Variants in PKD1L1 observed in about 807,000 individuals in gnomAD.
PKD1L1 encodes polycystin-1-like protein 1.
Under a neutral mutation model 323.4 loss-of-function variants are expected in PKD1L1, and 236 were observed. That is an observed-to-expected ratio of 0.73 (90% CI 0.66 to 0.81). The LOEUF (loss-of-function observed/expected upper bound fraction) is 0.81. PKD1L1 is among the 40% of genes least tolerant of loss of function. The pLI, the probability that PKD1L1 is intolerant of heterozygous loss-of-function variation, is 0.00. For missense variants in PKD1L1, 3,320 were observed against 3,508.0 expected, an observed-to-expected ratio of 0.95 and a Z score of 1.35; for synonymous variants, 1,344 against 1,335.0, an observed-to-expected ratio of 1.01 and a Z score of -0.15.
chr7:47,877,305 C>A (rs1471869048), intron 22 of PKD1L1, among the ~76,000 whole-genome samples, 184 bp downstream of exon 22: 1 of 152,168 alleles, frequency 6.6e-6, no homozygotes, highest in African/African-American at 2.4e-5. Flanking sequence ...CTTTGCACTC[C>A]TCTCATTAGT....
chr7:47,829,819 C>T (rs540909615), intron 43 of PKD1L1, among the ~76,000 whole-genome samples: 167 of 152,314 alleles, frequency 1.1e-3, no homozygotes, highest in African/African-American at 3.9e-3. Context: ...AAATAAAAAA[C>T]GTGGGTTAAA....
chr7:47,821,041 G>A (rs1186122773), intron 46 of PKD1L1, 35 bp downstream of exon 46: 4 of 1,312,386 alleles, frequency 3.0e-6, no homozygotes, highest in South Asian at 1.2e-5. Context: ...TAGTGCAATG[G>A]CCCCAGATCT....
chr7:47,828,625 G>A (rs561094385), intron 44 of PKD1L1, among the ~76,000 whole-genome samples: 5 of 152,184 alleles, frequency 3.3e-5, no homozygotes, highest in African/African-American at 4.8e-5. Flanking sequence ...CAAATGATCC[G>A]ATAAATGTAA....
intron 4 of PKD1L1, 47 bp from the exon 5 acceptor site, chr7:47,932,103 T>A (rs1003474261): frequency 1.3e-6 from 2 of 1,574,622 alleles, no homozygotes; most frequent in Admixed American, 3.7e-5. Flanking sequence ...CCGGTCATGT[T>A]TCAGTCACAT....
In PKD1L1 at chr7:47,815,420, C is replaced by T. The variant is rs151016685; in HGVS notation, c.7003G>A (p.Ala2335Thr). 3 of 1,614,002 alleles carry T rather than the reference C, an allele frequency of 1.9e-6. No homozygotes were observed. Among genetic ancestry groups the T allele is most frequent in the Non-Finnish European group, 2.5e-6 (3 of 1,179,928 alleles). ...GTCAGACTCCAGTCCCACCAGTCAG[C>T]GATGTTTCTCAGGCCACCCAAGCAG... ...RNCLGGLRNIADWWDWSLTTL... is the reference protein window; with the variant it reads ...RNCLGGLRNITDWWDWSLTTL... Residue 2335 changes from alanine (A) to threonine (T), a missense_variant, in exon 47 of 57, where the codon GCT becomes ACT. By Grantham distance (58) the Ala-to-Thr change is moderately conservative. Coordinates refer to ENST00000289672, the MANE Select transcript of PKD1L1 (RefSeq NM_138295.5).
Position 47,885,710 on chromosome 7 carries a change from G to A in PKD1L1, c.3181C>T (p.His1061Tyr). ...TGRSERSQPT[H>Y]SPDPHLSDFE... is the part of the protein sequence containing the mutation. ...CCAGAGAGGTGAGGGTCAGGGCTGT[G>A]GGTGGGCTGACTTCTCTCAGAGCGG... The change falls in exon 18 of 57, where the codon CAC becomes TAC. Residue 1061 changes from histidine to tyrosine, a missense_variant. By Grantham distance (83) the His-to-Tyr change is moderately conservative. Coordinates refer to ENST00000289672, the MANE Select transcript of PKD1L1 (RefSeq NM_138295.5). 4 of 1,613,824 alleles carry A rather than the reference G, an allele frequency of 2.5e-6. No individual in the cohort carries two copies. In the South Asian group the frequency reaches 4.4e-5, roughly 18 times the overall value.
rs1360467080 is a variant in PKD1L1 at position 47,876,183 on chromosome 7, T to C, written c.3698A>G (p.Asn1233Ser). Residue 1233 changes from asparagine to serine, a missense_variant, in exon 23 of 57, where the codon AAC becomes AGC. Physicochemically the swap from Asn to Ser is conservative, Grantham distance 46. Coordinates refer to ENST00000289672, the MANE Select transcript of PKD1L1 (RefSeq NM_138295.5). ...ATGGTACAAAGTGTGTTTGGAGGTG[T>C]TTCCTATCTGGTAACTAAATTCATA... Reference protein sequence around the residue: ...FHYEFSYQIGNTSKHTLYHGR... With the variant: ...FHYEFSYQIGSTSKHTLYHGR... 4 of 1,614,116 alleles carry C rather than the reference T, an allele frequency of 2.5e-6. No homozygotes were observed. The highest frequency in any genetic ancestry group is 3.4e-6 in the Non-Finnish European group (4 of 1,179,962).
chr7:47,931,032 G>T, intron 6 of PKD1L1, 72 bp downstream of exon 6: 2 of 1,421,948 alleles, frequency 1.4e-6, no homozygotes, highest in South Asian at 2.6e-5. Flanking sequence ...AATCACTAAC[G>T]GATTGGGCAT....
chr7:47,929,066 C>T (rs1171410741), intron 7 of PKD1L1, 138 bp downstream of exon 7: 2 of 857,164 alleles, frequency 2.3e-6, no homozygotes, highest in African/African-American at 3.4e-5. Context: ...CACTGAGCTA[C>T]TATTCTTGGA....
chr7:47,842,895 A>G (rs894454806), intron 34 of PKD1L1, 67 bp downstream of exon 34: 3 of 1,454,184 alleles, frequency 2.1e-6, no homozygotes, highest in East Asian at 4.6e-5. Flanking sequence ...CAAATCACCA[A>G]ATCCTCACTT....
intron 16 of PKD1L1, among the ~76,000 whole-genome samples, chr7:47,890,232 G>T (rs1362875046): frequency 2.0e-5 from 3 of 152,212 alleles, no homozygotes; most frequent in Non-Finnish European, 2.9e-5. Context: ...AGCCCCAGGA[G>T]AGTCCCCGAT....
At chr7:47,818,120 C>T in intron 46 of PKD1L1, 1 of 1,367,628 alleles carries the variant, frequency 7.3e-7, no homozygotes, top group Non-Finnish European at 9.8e-7. Context: ...GCCAGAGCAC[C>T]CAGAGGGTGG....
chr7:47,914,005 A>G (rs1478072370), intron 8 of PKD1L1, among the ~76,000 whole-genome samples: 1 of 152,220 alleles, frequency 6.6e-6, no homozygotes, highest in African/African-American at 2.4e-5. Flanking sequence ...GTGAAAGCAT[A>G]TATGAGAAAA....
the PKD1L1 span, among the ~76,000 whole-genome samples, chr7:47,959,413 T>A: frequency 2.8e-5 from 4 of 145,352 alleles, no homozygotes; most frequent in Non-Finnish European, 6.1e-5. Flanking sequence ...ATCTAGGAAG[T>A]GAGGAGCGTC....
chr7:47,957,938 G>C, the PKD1L1 span, among the ~76,000 whole-genome samples: 4 of 148,464 alleles, frequency 2.7e-5, no homozygotes, highest in Non-Finnish European at 5.9e-5. Context: ...AAACACTGAT[G>C]AAAGAAACTG....
intron 11 of PKD1L1, 29 bp downstream of exon 11, chr7:47,905,128 T>C: frequency 1.2e-6 from 2 of 1,604,478 alleles, no homozygotes; most frequent in Non-Finnish European, 1.7e-6. Context: ...TACAAACAGC[T>C]ACTCAGCAGG....
intron 31 of PKD1L1, among the ~76,000 whole-genome samples, chr7:47,848,176 A>G (rs1362742789): frequency 6.6e-6 from 1 of 152,210 alleles, no homozygotes; most frequent in Non-Finnish European, 1.5e-5. Context: ...CCAAAACCAC[A>G]TAGGCATTTA....
At chr7:47,880,694 T>A in intron 21 of PKD1L1, 34 bp downstream of exon 21, 2 of 1,548,000 alleles carry the variant, frequency 1.3e-6, no homozygotes, top group South Asian at 1.2e-5. Context: ...GGACTCCTCA[T>A]CCTCTGATAA....
chr7:47,890,728 G>A lies in PKD1L1; in HGVS notation c.2489C>T (p.Ala830Val). Residue 830 changes from alanine to valine, a missense_variant, in exon 16 of 57, where the codon GCA becomes GTA. Ala to Val is a moderately conservative substitution (Grantham distance 64). Coordinates refer to ENST00000289672, the MANE Select transcript of PKD1L1 (RefSeq NM_138295.5). ...AGTGGAGGAGTCGAAGCAGGGATGT[G>A]CTGGGGAGCCAGCGGTGGCGCATTC... ...HWECATAGSP[A>V]HPCFDSSTAH... 2 of 1,613,008 alleles carry A rather than the reference G, an allele frequency of 1.2e-6. No homozygotes were observed. The highest frequency in any genetic ancestry group is 2.7e-5 in the African/African-American group (2 of 75,006).
Sources: gnomAD v4.1 joint callset for allele counts (sites outside exome capture counted in the v4.1 genomes callset) on GRCh38, gnomAD v4.1.1 for gene constraint, MANE v1.5 for transcripts, NCBI Gene and HGNC (gene_info 2026-07-23, HGNC 2026-07-21) for gene names.